The following UGT3A1 variants were observed in gnomAD, a reference collection of about 807,000 sequenced individuals.
UGT3A1 encodes the protein UDP glycosyltransferase family 3 member A1.
Under a neutral mutation model 37.6 loss-of-function variants are expected in UGT3A1, and 40 were observed. That is an observed-to-expected ratio of 1.06 (90% CI 0.83 to 1.38). The LOEUF (loss-of-function observed/expected upper bound fraction) is 1.38, where lower values mean the gene tolerates loss of function less well. Among genes scored for constraint, UGT3A1 ranks in the 40% most tolerant of loss-of-function variants. The pLI is 0.00. For synonymous variants in UGT3A1, 256 were observed against 232.3 expected (o/e 1.10, Z -0.93); for missense variants, 642 against 634.2 (o/e 1.01, Z -0.13).
intron 1 of UGT3A1, chr5:35,990,902 C>A: frequency 1.5e-6 from 2 of 1,340,138 alleles, no homozygotes; most frequent in African/African-American, 1.5e-5. Flanking sequence ...GGACGGGGAG[C>A]GCGTCCTGAA....
At chr5:35,954,781 G>A (rs1454827306) in intron 6 of UGT3A1, 4 of 375,744 alleles carry the variant, frequency 1.1e-5, no homozygotes, top group Non-Finnish European at 1.9e-5. Context: ...TATACTAAAG[G>A]AAAAAATATA....
chr5:35,988,696 T>G, intron 1 of UGT3A1, 145 bp from the exon 2 acceptor site: 47 of 585,208 alleles, frequency 8.0e-5, no homozygotes, highest in Admixed American at 9.5e-5. Flanking sequence ...AGATAAGCGC[T>G]TCCTGTTCCT....
chr5:35,999,236 CAAAA>C (rs34007699), intron 1 of UGT3A1, among the ~76,000 whole-genome samples: 1 of 103,080 alleles, frequency 9.7e-6, no homozygotes, highest in Admixed American at 1.1e-4. Context: ...GACTCCATCT[CAAAA>C]AAAAAAAAAA....
chr5:35,956,664 G>A (rs141152136), intron 5 of UGT3A1, among the ~76,000 whole-genome samples: 173 of 152,242 alleles, frequency 1.1e-3, no homozygotes, highest in African/African-American at 4.0e-3. Flanking sequence ...CTAATATTGT[G>A]GCACATCCTT....
chr5:35,970,630 TAAAAAACTAACATA>T lies in UGT3A1; in HGVS notation c.197-2511_197-2498del, dbSNP rs554340397. The stretch of plus-strand genomic sequence containing the variant: ...GGCATGGCTACTCTTAACTAACAAT[TAAAAAACTAACATA>T]AAATTGTTTCTTTGGCACTTAGAAT... On this transcript the variant is annotated intron_variant, in intron 2 of 6. Transcript: ENST00000274278. Among the ~76,000 whole-genome samples, 17 of 152,234 alleles carry T rather than the reference TAAAAAACTAACATA, an allele frequency of 1.1e-4. No individual in the cohort carries two copies. The East Asian group carries it at 3.1e-3, about 28-fold the overall frequency.
chr5:35,966,008 A>G (rs977422821), intron 3 of UGT3A1, 91 bp from the exon 4 acceptor site: 4 of 1,022,628 alleles, frequency 3.9e-6, no homozygotes, highest in Non-Finnish European at 5.4e-6. Flanking sequence ...TATTTCAGGT[A>G]TGTTAAGAAT....
upstream of UGT3A1, among the ~76,000 whole-genome samples, chr5:35,995,697 G>A (rs971465549): frequency 6.6e-6 from 1 of 152,144 alleles, no homozygotes; most frequent in Admixed American, 6.5e-5. Context: ...GGCATAAAGA[G>A]TCACGGGAAT....
At chr5:35,967,954 ATC>A in intron 3 of UGT3A1, 63 bp downstream of exon 3, 1 of 1,237,378 alleles carries the variant, frequency 8.1e-7, no homozygotes, top group Non-Finnish European at 1.2e-6. Flanking sequence ...AATATCATGC[ATC>A]TCTCTATTCA....
Position 35,967,567 on chromosome 5 carries a change from T to A in UGT3A1, c.311+452A>T, listed in dbSNP as rs1210066269. Among the ~76,000 whole-genome samples, 5 of 152,292 alleles carry A rather than the reference T, an allele frequency of 3.3e-5. No individual in the cohort carries two copies. In the East Asian group the frequency reaches 7.7e-4, roughly 23 times the overall value. ...ATAAGAGTTTTCTCCATTAGTGAAT[T>A]TATGAGAGGACAAGGAGGGAAAATA... On this transcript the variant is annotated intron_variant, in intron 3 of 6. Coordinates refer to ENST00000274278, the MANE Select transcript of UGT3A1 (RefSeq NM_152404.4).
chr5:36,000,059 C>T lies in UGT3A1; in HGVS notation c.-160+909G>A, dbSNP rs1292632489. Among the ~76,000 whole-genome samples, 4 of 152,168 alleles carry T rather than the reference C, an allele frequency of 2.6e-5. No individual in the cohort carries two copies. In the South Asian group the frequency reaches 6.2e-4, roughly 24 times the overall value. ...TTAACATTTCCATTGTGTCTACCAT[C>T]CCTGGTCCTCAGGCCTGGTGGAGAG... On this transcript the variant is annotated intron_variant, in intron 1 of 5. Coordinates refer to the UGT3A1 transcript ENST00000625798.
At chr5:35,991,488 G>T (rs934112765), upstream of UGT3A1, 52 of 1,320,454 alleles carry the variant, frequency 3.9e-5, no homozygotes, top group Non-Finnish European at 4.7e-5. Context: ...GTAGGAGGGG[G>T]TTGGTAACCT....
chr5:35,953,895 G>T lies in UGT3A1; in HGVS notation c.*307C>A. ...AGGAGAAATGGGGACTGGAAACTGG[G>T]AAGTCATCTAAACAAGGAGGATGAA... On this transcript the variant is annotated 3_prime_UTR_variant, in exon 7 of 7. Transcript: ENST00000274278. The T allele has an allele frequency of 3.5e-6, 1 of 286,338 alleles. No homozygotes were observed. Among genetic ancestry groups the T allele is most frequent in the Non-Finnish European group, 6.5e-6 (1 of 152,816 alleles). 17.7% of individuals were successfully genotyped at this position (286,338 alleles called of 1,614,324 possible). A position where few individuals can be genotyped will look rare whatever the true frequency, so the allele number is the denominator to read the frequency against.
chr5:35,957,616 A>G (rs1231656106), intron 4 of UGT3A1, among the ~76,000 whole-genome samples, 197 bp from the exon 5 acceptor site: 1 of 152,148 alleles, frequency 6.6e-6, no homozygotes, highest in Admixed American at 6.5e-5. Context: ...ATGACCTAGA[A>G]GTCATTTTTC....
intron 2 of UGT3A1, among the ~76,000 whole-genome samples, chr5:35,968,990 T>C (rs1306974650): frequency 6.6e-6 from 1 of 152,210 alleles, no homozygotes; most frequent in Admixed American, 6.5e-5. Flanking sequence ...TCAGATGGAA[T>C]TGTGTTTCTC....
In UGT3A1 at chr5:35,953,984, T is replaced by C. The variant is rs1739255398; in HGVS notation, c.*218A>G. The C allele has an allele frequency of 5.7e-6, 3 of 527,576 alleles. No individual in the cohort carries two copies. Among genetic ancestry groups the C allele is most frequent in the Non-Finnish European group, 1.0e-5 (3 of 300,444 alleles). 32.7% of individuals were successfully genotyped at this position (527,576 alleles called of 1,614,324 possible). A position where few individuals can be genotyped will look rare whatever the true frequency, so the allele number is the denominator to read the frequency against. On this transcript the variant is annotated 3_prime_UTR_variant, in exon 7 of 7. Transcript: ENST00000274278. ...GGAGGCAGGGCTGGCAGGTGAAAAT[T>C]TGTATCTGAGCTGGGGTTTCAAGTC...
intron 1 of UGT3A1, chr5:35,997,411 A>G (rs1580973182): frequency 1.4e-5 from 2 of 147,662 alleles, no homozygotes; most frequent in Non-Finnish European, 3.0e-5. Context: ...CAAATATTAA[A>G]AGCTGATTTA....
chr5:35,979,854 A>G (rs1396561543), intron 2 of UGT3A1, among the ~76,000 whole-genome samples: 1 of 152,220 alleles, frequency 6.6e-6, no homozygotes, highest in African/African-American at 2.4e-5. Context: ...CCCCACAATC[A>G]TGGCAGAAGG....
At chr5:35,988,399 A>G (rs760408837) in intron 2 of UGT3A1, 51 bp downstream of exon 2, 2 of 1,332,698 alleles carry the variant, frequency 1.5e-6, no homozygotes, top group Admixed American at 4.6e-5. Context: ...ATATATTATC[A>G]CTTTTTGCTT....
intron 2 of UGT3A1, among the ~76,000 whole-genome samples, chr5:35,979,806 A>G (rs941894893): frequency 6.6e-6 from 1 of 152,228 alleles, no homozygotes; most frequent in African/African-American, 2.4e-5. Flanking sequence ...AAAGAAAAAG[A>G]TATTTAATGG....
Sources: gnomAD v4.1 joint callset for allele counts (sites outside exome capture counted in the v4.1 genomes callset) on GRCh38, gnomAD v4.1.1 for gene constraint, MANE v1.5 for transcripts, NCBI Gene and HGNC (gene_info 2026-07-23, HGNC 2026-07-21) for gene names.